KIAA1217: variants seen among roughly 807,000 people sequenced by gnomAD.
KIAA1217 encodes sickle tail protein homolog.
In KIAA1217, 88 loss-of-function variants were observed where a neutral mutation model predicts 163.9. The ratio of observed to expected loss-of-function variants is 0.54; its 90% CI spans 0.45 to 0.64. KIAA1217 has a LOEUF of 0.64. Ranked by LOEUF, KIAA1217 falls within the 30% of genes least tolerant of loss-of-function variation. The probability of loss-of-function intolerance (pLI) is 0.00; values close to 1 mark genes in which losing one functional copy is unlikely to be tolerated. For missense variants in KIAA1217, 2,372 were observed against 2,475.0 expected (o/e 0.96, Z 0.88); for synonymous variants, 903 against 923.1 (o/e 0.98, Z 0.39).
At chr10:24,461,672 T>C (rs1473043009) in intron 5 of KIAA1217, among the ~76,000 whole-genome samples, 1 of 152,254 alleles carries the variant, frequency 6.6e-6, no homozygotes, top group Admixed American at 6.5e-5. Context: ...CATAAAATTC[T>C]ACACAGATCA....
At chr10:23,949,208 G>A (rs529897059) in intron 1 of KIAA1217, among the ~76,000 whole-genome samples, 25 of 152,166 alleles carry the variant, frequency 1.6e-4, no homozygotes, top group African/African-American at 5.3e-4. Flanking sequence ...TTCACAAACC[G>A]TGTGAAACCC....
chr10:24,059,639 G>A lies in KIAA1217; in HGVS notation c.-171+52265G>A, dbSNP rs577443186. On this transcript the variant is annotated intron_variant, in intron 2 of 18. Coordinates refer to the KIAA1217 transcript ENST00000376462. ...GTCACCCAGGCTGAAGTGCAGTGGC[G>A]TGATCTTGGCTCACTGCAAGCTCTG... Among the ~76,000 whole-genome samples, 9 of 152,082 alleles carry A rather than the reference G, an allele frequency of 5.9e-5. No homozygotes were observed. In the East Asian group the frequency reaches 7.7e-4, roughly 13 times the overall value.
At position 23,791,920 on chromosome 10, in the gene KIAA1217, T is replaced by A. The variant is rs183050327; in HGVS notation, c.-321+96686T>A. 7.5e-4 allele frequency among the ~76,000 whole-genome samples: 114 copies of A among 152,330 alleles called. 2 individuals are homozygous for A. Among genetic ancestry groups the A allele is most frequent in the Admixed American group, 3.5e-3 (53 of 15,304 alleles). On this transcript the variant is annotated intron_variant, in intron 1 of 18. Transcript: ENST00000376462. ...ACTGTCGATGAAGACTAATCCAGAA[T>A]AATTTATACTTCCAATTTTATATTT...
At chr10:23,977,557 A>G (rs1845591226) in intron 1 of KIAA1217, among the ~76,000 whole-genome samples, 1 of 152,170 alleles carries the variant, frequency 6.6e-6, no homozygotes, top group Non-Finnish European at 1.5e-5. Flanking sequence ...GAATGAGACT[A>G]ATGGATACTT....
At chr10:24,504,870 G>C (rs1197964323) in intron 9 of KIAA1217, among the ~76,000 whole-genome samples, 1 of 152,134 alleles carries the variant, frequency 6.6e-6, no homozygotes, top group Non-Finnish European at 1.5e-5. Context: ...ATGGGACAAG[G>C]GGAACCTAAG....
intron 2 of KIAA1217, among the ~76,000 whole-genome samples, chr10:24,361,040 A>C (rs1260790547): frequency 6.6e-6 from 1 of 152,210 alleles, no homozygotes; most frequent in Non-Finnish European, 1.5e-5. Flanking sequence ...GACTAAGAGT[A>C]GGAGAATTAT....
At chr10:24,306,110 A>G (rs746061447) in intron 2 of KIAA1217, among the ~76,000 whole-genome samples, 7 of 152,222 alleles carry the variant, frequency 4.6e-5, no homozygotes, top group African/African-American at 1.4e-4. Flanking sequence ...CAAGAAAAAT[A>G]TATCTTTTTG....
At chr10:24,192,811 C>T (rs947735886) in intron 2 of KIAA1217, among the ~76,000 whole-genome samples, 2 of 152,244 alleles carry the variant, frequency 1.3e-5, no homozygotes, top group Admixed American at 6.5e-5. Flanking sequence ...CAGGATCTCA[C>T]TCTGTCACCC....
At chr10:24,081,853 C>A (rs191423567) in intron 2 of KIAA1217, among the ~76,000 whole-genome samples, 422 of 152,254 alleles carry the variant, frequency 2.8e-3, no homozygotes, top group African/African-American at 9.8e-3. Flanking sequence ...AGCAAGAAAA[C>A]TAAGGCAGGT....
intron 1 of KIAA1217, among the ~76,000 whole-genome samples, chr10:23,835,020 C>T (rs906401551): frequency 7.9e-5 from 12 of 151,988 alleles, no homozygotes; most frequent in Admixed American, 5.9e-4. Flanking sequence ...TTGGGAAAGA[C>T]GTCTAGGCTG....
chr10:24,076,568 A>G (rs1368521007), intron 2 of KIAA1217, among the ~76,000 whole-genome samples: 3 of 152,102 alleles, frequency 2.0e-5, no homozygotes, highest in African/African-American at 4.8e-5. Flanking sequence ...CTCTCTTTCA[A>G]TTGCACAGCA....
chr10:23,751,344 C>T (rs772894101), intron 1 of KIAA1217, among the ~76,000 whole-genome samples: 2 of 152,082 alleles, frequency 1.3e-5, no homozygotes, highest in Non-Finnish European at 2.9e-5. Flanking sequence ...TTCTACAATA[C>T]CATGTGAGGT....
chr10:24,451,601 G>A (rs961173036), intron 5 of KIAA1217, among the ~76,000 whole-genome samples: 3 of 152,188 alleles, frequency 2.0e-5, no homozygotes, highest in Non-Finnish European at 4.4e-5. Context: ...TCCAGGATTG[G>A]CTACACAACC....
intron 2 of KIAA1217, among the ~76,000 whole-genome samples, chr10:24,164,109 T>G (rs1266353235): frequency 6.6e-6 from 1 of 152,220 alleles, no homozygotes; most frequent in Non-Finnish European, 1.5e-5. Context: ...AGTGAACTCT[T>G]CATCTCCTGT....
At chr10:24,247,031 A>G (rs2073888034) in intron 2 of KIAA1217, among the ~76,000 whole-genome samples, 1 of 150,918 alleles carries the variant, frequency 6.6e-6, no homozygotes, top group African/African-American at 2.4e-5. Flanking sequence ...AAACAACCAT[A>G]TATTATTCAT....
chr10:24,281,409 T>C (rs1292594390), intron 2 of KIAA1217, among the ~76,000 whole-genome samples: 1 of 152,216 alleles, frequency 6.6e-6, no homozygotes, highest in Admixed American at 6.5e-5. Flanking sequence ...CAGTTTCTTT[T>C]GTCTTTTGTC....
chr10:23,719,441 T>A (rs1032220486), intron 1 of KIAA1217, among the ~76,000 whole-genome samples: 1 of 151,838 alleles, frequency 6.6e-6, no homozygotes, highest in African/African-American at 2.4e-5. Flanking sequence ...ATTAGCTAGG[T>A]GTGGTGGCAC....
chr10:24,317,273 T>C (rs1270236923), intron 2 of KIAA1217, among the ~76,000 whole-genome samples: 1 of 152,130 alleles, frequency 6.6e-6, no homozygotes, highest in Non-Finnish European at 1.5e-5. Context: ...TAATTTTATT[T>C]TGTTACTTTT....
chr10:24,397,048 G>T (rs1392884004), intron 3 of KIAA1217, among the ~76,000 whole-genome samples: 1 of 151,566 alleles, frequency 6.6e-6, no homozygotes, highest in Non-Finnish European at 1.5e-5. Context: ...TGAGATTAAG[G>T]TTGGTTTCTG....
Sources: allele counts gnomAD v4.1 joint callset (sites outside exome capture counted in the v4.1 genomes callset), GRCh38; gene constraint gnomAD v4.1.1; transcripts MANE v1.5; gene names NCBI Gene and HGNC (gene_info 2026-07-23, HGNC 2026-07-21).